Variants in NOL4 observed in about 807,000 individuals in gnomAD.
NOL4 encodes nucleolar protein 4.
A neutral mutation model predicts 75.9 loss-of-function variants in NOL4; 17 were observed. The observed-to-expected ratio is 0.22, with a 90% CI of 0.15 to 0.34. The LOEUF (loss-of-function observed/expected upper bound fraction) is 0.34. Ranked by LOEUF, NOL4 falls within the 10% of genes least tolerant of loss-of-function variation. The pLI, the probability that NOL4 is intolerant of heterozygous loss-of-function variation, is 1.00. For missense variants in NOL4, 614 were observed against 793.5 expected (o/e 0.77, Z 2.72); for synonymous variants, 292 against 289.9 (o/e 1.01, Z -0.07).
chr18:34,044,988 G>A (rs1015539502), intron 5 of NOL4, among the ~76,000 whole-genome samples: 6 of 152,126 alleles, frequency 3.9e-5, no homozygotes, highest in Non-Finnish European at 8.8e-5. Context: ...GTGTTTTTAT[G>A]AAATCTTGAA....
intron 5 of NOL4, among the ~76,000 whole-genome samples, chr18:34,024,190 A>ATATATATATATAT (rs1322401512): frequency 1.0e-4 from 7 of 69,664 alleles, no homozygotes; most frequent in Non-Finnish European, 1.7e-4. Context: ...GGAAAAAAAA[A>ATATATATATATAT]AAAAATATAT....
chr18:34,136,834 T>C lies in NOL4; in HGVS notation c.265-6814A>G, dbSNP rs74820651. ...GTTGGCCTTAAAATTTATATGTAAATTCAAGGAAACGAGATTAGCCAAAAT... is the reference window on the plus strand; with the variant it reads ...GTTGGCCTTAAAATTTATATGTAAACTCAAGGAAACGAGATTAGCCAAAAT... On this transcript the variant is annotated intron_variant, in intron 1 of 10. Coordinates refer to ENST00000261592, the MANE Select transcript of NOL4 (RefSeq NM_003787.5). 8.6e-3 allele frequency among the ~76,000 whole-genome samples: 1,301 copies of C among 152,120 alleles called. 19 individuals are homozygous for C. Among genetic ancestry groups the C allele is most frequent in the African/African-American group, 0.03 (1,247 of 41,516 alleles).
intron 1 of NOL4, chr18:34,221,976 A>G: frequency 6.7e-7 from 1 of 1,484,754 alleles, no homozygotes; most frequent in South Asian, 1.2e-5. Flanking sequence ...AATACAAAGG[A>G]TGCCAGATAG....
At chr18:34,160,133 G>T (rs867650573) in intron 1 of NOL4, among the ~76,000 whole-genome samples, 27 of 152,184 alleles carry the variant, frequency 1.8e-4, no homozygotes, top group Admixed American at 1.2e-3. Flanking sequence ...CTCTTGCCTC[G>T]CTTTCCAATA....
At chr18:34,101,169 A>G (rs1451355188) in intron 4 of NOL4, among the ~76,000 whole-genome samples, 1 of 152,170 alleles carries the variant, frequency 6.6e-6, no homozygotes, top group Non-Finnish European at 1.5e-5. Context: ...GTTAAATCCA[A>G]CTAAAATGTA....
chr18:34,024,195 AT>A lies in NOL4; in HGVS notation c.773-4595del, dbSNP rs1265712660. ...AAAATAAACAGGAAAAAAAAAAAAA[AT>A]ATATATATATATATATATAAAATCC... On this transcript the variant is annotated intron_variant, in intron 5 of 10. Coordinates refer to ENST00000261592, the MANE Select transcript of NOL4 (RefSeq NM_003787.5). Among the ~76,000 whole-genome samples, 578 of 83,558 alleles carry A rather than the reference AT, an allele frequency of 6.9e-3. 24 individuals are homozygous for A. Among genetic ancestry groups the A allele is most frequent in the African/African-American group, 0.012 (262 of 21,436 alleles). The allele number at this position is 83,558 out of a possible 152,430, so 54.8% of individuals were successfully genotyped here.
chr18:33,861,545 C>T (rs2063133447), intron 10 of NOL4, among the ~76,000 whole-genome samples: 1 of 151,772 alleles, frequency 6.6e-6, no homozygotes, highest in Non-Finnish European at 1.5e-5. Flanking sequence ...ATTAGTCTTG[C>T]TAGCAGTGTA....
intron 1 of NOL4, among the ~76,000 whole-genome samples, chr18:34,156,895 T>C (rs1227321346): frequency 6.6e-6 from 1 of 152,116 alleles, no homozygotes; most frequent in African/African-American, 2.4e-5. Context: ...ATACAAAATC[T>C]GTCCCCTGCC....
chr18:33,976,072 A>C lies in NOL4; in HGVS notation c.1057-17654T>G, dbSNP rs564288531. 3.3e-5 allele frequency among the ~76,000 whole-genome samples: 5 copies of C among 152,318 alleles called. No homozygotes were observed. The East Asian group carries it at 9.7e-4, about 29-fold the overall frequency. On this transcript the variant is annotated intron_variant, in intron 6 of 10. Coordinates refer to ENST00000261592, the MANE Select transcript of NOL4 (RefSeq NM_003787.5). ...AGACAGGCAGTACAATCACACAGAG[A>C]AATTAAACACTGAACAGATAACAAT... is the stretch of plus-strand genomic sequence containing the variant.
At chr18:34,220,968 T>C (rs775971577) in intron 1 of NOL4, 2 of 152,154 alleles carry the variant, frequency 1.3e-5, no homozygotes, top group African/African-American at 4.8e-5. Context: ...AATAGTGGTA[T>C]ATGAATGCGT....
Position 34,223,417 on chromosome 18 carries a change from G to A in NOL4, c.-164C>T. The A allele has an allele frequency of 1.1e-6, 1 of 916,692 alleles. No individual in the cohort carries two copies. Among genetic ancestry groups the A allele is most frequent in the Non-Finnish European group, 1.6e-6 (1 of 623,298 alleles). The allele number at this position is 916,692 out of a possible 1,614,324, so 56.8% of individuals were successfully genotyped here. A position where few individuals can be genotyped will look rare whatever the true frequency, so the allele number is the denominator to read the frequency against. ...GGAAGGGATGGGAAGAGGGGAGGAG[G>A]GTCCGGTTGGGCACCAGCAATCAAT... On this transcript the variant is annotated 5_prime_UTR_variant, in exon 1 of 11. Transcript: ENST00000261592.
rs112988104 is a variant in NOL4 at position 33,981,502 on chromosome 18, C to T, written c.1057-23084G>A. 7.1e-3 allele frequency among the ~76,000 whole-genome samples: 1,079 copies of T among 151,946 alleles called. 13 individuals carry two copies. The highest frequency in any genetic ancestry group is 0.023 in the African/African-American group (939 of 41,468). ...AAAATTACATCTGACTTCTCAGAAA[C>T]GAGGCAAACAAAAAGATTGGAGTGA... On this transcript the variant is annotated intron_variant, in intron 6 of 10. Transcript: ENST00000261592.
chr18:33,870,613 G>GA (rs1209971971), intron 10 of NOL4, among the ~76,000 whole-genome samples: 2 of 151,804 alleles, frequency 1.3e-5, no homozygotes, highest in Admixed American at 6.6e-5. Flanking sequence ...TGTCTGATTT[G>GA]AAAAAACACA....
chr18:34,017,474 A>G (rs574579050), intron 6 of NOL4, among the ~76,000 whole-genome samples: 3 of 152,182 alleles, frequency 2.0e-5, no homozygotes, highest in Admixed American at 1.3e-4. Context: ...AAGAACATCT[A>G]AAATTTACTT....
chr18:34,176,362 A>G (rs2146299856), intron 1 of NOL4, among the ~76,000 whole-genome samples: 1 of 152,174 alleles, frequency 6.6e-6, no homozygotes, highest in Non-Finnish European at 1.5e-5. Context: ...CCTAGGAAAC[A>G]AAAGAGAAAT....
intron 1 of NOL4, among the ~76,000 whole-genome samples, chr18:34,178,910 G>A (rs1213568518): frequency 6.6e-6 from 1 of 151,640 alleles, no homozygotes; most frequent in Admixed American, 6.6e-5. Flanking sequence ...TATTGTACAT[G>A]TAGCATTCTC....
intron 1 of NOL4, among the ~76,000 whole-genome samples, chr18:34,152,240 G>A (rs1439691716): frequency 6.6e-6 from 1 of 151,778 alleles, no homozygotes; most frequent in African/African-American, 2.4e-5. Context: ...AGTTGATAAA[G>A]TCAGGTAAAT....
chr18:34,083,715 T>C (rs2078115111), intron 5 of NOL4, among the ~76,000 whole-genome samples: 1 of 152,214 alleles, frequency 6.6e-6, no homozygotes, highest in Non-Finnish European at 1.5e-5. Context: ...AGGTCTTTTA[T>C]GCTGTCTTCT....
At chr18:34,192,288 C>T (rs889421853) in intron 1 of NOL4, among the ~76,000 whole-genome samples, 1 of 152,076 alleles carries the variant, frequency 6.6e-6, no homozygotes, top group Admixed American at 6.6e-5. Flanking sequence ...ATCCATAGTA[C>T]CCAAAGCAAT....
Sources: allele counts gnomAD v4.1 joint callset (sites outside exome capture counted in the v4.1 genomes callset), GRCh38; gene constraint gnomAD v4.1.1; transcripts MANE v1.5; gene names NCBI Gene and HGNC (gene_info 2026-07-23, HGNC 2026-07-21).